Variants in TMCO4 observed in about 807,000 individuals in gnomAD.
TMCO4 encodes the protein transmembrane and coiled-coil domain-containing protein 4.
Under a neutral mutation model 64.7 loss-of-function variants are expected in TMCO4, and 58 were observed. That is an observed-to-expected ratio of 0.90 (90% CI 0.73 to 1.12). The LOEUF (loss-of-function observed/expected upper bound fraction) is 1.12, where lower values mean the gene tolerates loss of function less well. Ranked by LOEUF, TMCO4 falls within the 50% of genes most tolerant of loss-of-function variation. The pLI is 0.00. For missense variants in TMCO4, 780 were observed against 825.9 expected, an observed-to-expected ratio of 0.94 and a Z score of 0.68; for synonymous variants, 325 against 346.1, an observed-to-expected ratio of 0.94 and a Z score of 0.68.
At chr1:19,696,766 G>A (rs1557464490) in intron 14 of TMCO4, among the ~76,000 whole-genome samples, 1 of 152,080 alleles carries the variant, frequency 6.6e-6, no homozygotes, top group Non-Finnish European at 1.5e-5. Context: ...TATTTCTGTT[G>A]TAATTATGAC....
At chr1:19,785,878 A>G (rs935371165) in intron 3 of TMCO4, among the ~76,000 whole-genome samples, 2 of 152,188 alleles carry the variant, frequency 1.3e-5, no homozygotes, top group African/African-American at 4.8e-5. Flanking sequence ...GAAAGGTGTC[A>G]TTCCAGCAGA....
At chr1:19,731,543 T>C (rs942728803) in intron 13 of TMCO4, among the ~76,000 whole-genome samples, 118 of 152,322 alleles carry the variant, frequency 7.7e-4, no homozygotes, top group African/African-American at 2.8e-3. Flanking sequence ...CACACACTTG[T>C]AGCAACTAAG....
intron 6 of TMCO4, among the ~76,000 whole-genome samples, chr1:19,769,919 C>T (rs554320995): frequency 1.5e-5 from 2 of 137,828 alleles, no homozygotes; most frequent in South Asian, 2.3e-4. Context: ...CCCTGGGGTG[C>T]GTGCAAAGCC....
intron 6 of TMCO4, among the ~76,000 whole-genome samples, chr1:19,767,626 G>A (rs1238488835): frequency 1.3e-5 from 2 of 152,164 alleles, no homozygotes; most frequent in African/African-American, 4.8e-5. Flanking sequence ...GGGAAAGTTA[G>A]ATTCCGGGGC....
intron 7 of TMCO4, among the ~76,000 whole-genome samples, chr1:19,750,942 G>T (rs1004721877): frequency 2.6e-5 from 4 of 152,236 alleles, no homozygotes; most frequent in African/African-American, 9.6e-5. Flanking sequence ...CAGAGGGTGG[G>T]CACCAGAATC....
chr1:19,754,596 G>A (rs1407300253), intron 7 of TMCO4, among the ~76,000 whole-genome samples: 1 of 152,154 alleles, frequency 6.6e-6, no homozygotes, highest in Non-Finnish European at 1.5e-5. Context: ...CCCAGACCTG[G>A]GAGACGTGCC....
chr1:19,791,005 G>T (rs1324339942), intron 2 of TMCO4, among the ~76,000 whole-genome samples: 3 of 152,188 alleles, frequency 2.0e-5, no homozygotes, highest in Non-Finnish European at 2.9e-5. Context: ...CATATCCTTT[G>T]CAGGGATATG....
chr1:19,700,862 C>A lies in TMCO4; in HGVS notation c.1288G>T (p.Val430Phe). 1 of 1,614,180 alleles carries A rather than the reference C, an allele frequency of 6.2e-7. No homozygotes were observed. Among genetic ancestry groups the A allele is most frequent in the Non-Finnish European group, 8.5e-7 (1 of 1,180,006 alleles). The stretch of plus-strand genomic sequence containing the variant: ...TCCACAGGCGCACCCAGCAGGATGA[C>A]GTCCTCGATGATTCCTTGGCAATCT... ...EKDCQGIIED[V>F]ILLGAPVEGE... Residue 430 changes from valine (V) to phenylalanine (F), a missense_variant, in exon 14 of 16, where the codon GTC (valine) becomes TTC (phenylalanine). By Grantham distance (50) the Val-to-Phe change is conservative. Coordinates refer to ENST00000294543, the MANE Select transcript of TMCO4 (RefSeq NM_181719.7).
In TMCO4 at chr1:19,733,139, C is replaced by T. The variant is rs79011675; in HGVS notation, c.1264+4233G>A. On this transcript the variant is annotated intron_variant, in intron 13 of 15. Coordinates refer to ENST00000294543, the MANE Select transcript of TMCO4 (RefSeq NM_181719.7). ...AAAATTTGCTGGGCAATGTTGCGGG[C>T]ACGTGTAATCCCAGCTACTTGGGAG... Among the ~76,000 whole-genome samples the T allele has an allele frequency of 7.5e-3, 1,135 of 151,964 alleles. 15 individuals are homozygous for T. The highest frequency in any genetic ancestry group is 0.025 in the African/African-American group (1,047 of 41,434).
At chr1:19,763,115 A>C (rs1241696236) in intron 6 of TMCO4, among the ~76,000 whole-genome samples, 1 of 151,548 alleles carries the variant, frequency 6.6e-6, no homozygotes, top group Non-Finnish European at 1.5e-5. Flanking sequence ...TCACTCTGTC[A>C]CCCAGGCTGG....
intron 2 of TMCO4, among the ~76,000 whole-genome samples, chr1:19,797,432 G>C (rs1160367356): frequency 6.6e-6 from 1 of 152,140 alleles, no homozygotes; most frequent in East Asian, 1.9e-4. Context: ...CAGGTGCAAA[G>C]GTCCCAAGGA....
At chr1:19,757,614 A>G (rs1013104365) in intron 6 of TMCO4, among the ~76,000 whole-genome samples, 1 of 152,030 alleles carries the variant, frequency 6.6e-6, no homozygotes, top group Non-Finnish European at 1.5e-5. Flanking sequence ...TGGCTCAACC[A>G]TCACCTCCTC....
At chr1:19,711,819 G>A (rs2095332084) in intron 13 of TMCO4, among the ~76,000 whole-genome samples, 1 of 152,020 alleles carries the variant, frequency 6.6e-6, no homozygotes, top group African/African-American at 2.4e-5. Flanking sequence ...CACCATGCCT[G>A]GCTAATTTTG....
intron 13 of TMCO4, among the ~76,000 whole-genome samples, chr1:19,708,247 A>AC (rs1364063108): frequency 2.1e-5 from 3 of 144,902 alleles, no homozygotes; most frequent in Admixed American, 1.4e-4. Flanking sequence ...AAGGTCAAAG[A>AC]CCCCCAGAAT....
intron 14 of TMCO4, 102 bp from the exon 15 acceptor site, chr1:19,694,653 A>C: frequency 9.5e-7 from 1 of 1,054,270 alleles, no homozygotes; most frequent in South Asian, 1.5e-5. Flanking sequence ...GTGGGAATGG[A>C]GCTTCTGGGG....
At chr1:19,798,633 CA>C (rs1431189258) in intron 1 of TMCO4, among the ~76,000 whole-genome samples, 4 of 152,232 alleles carry the variant, frequency 2.6e-5, no homozygotes, top group Non-Finnish European at 5.9e-5. Flanking sequence ...TCTGATGCTG[CA>C]CACGAGGGCT....
Position 19,739,900 on chromosome 1 carries a change from T to C in TMCO4, c.1103A>G (p.Asn368Ser). ...TCGATGGAGACACACCCCCCAGGGGTTGTCGATGACATTGGCGACACTGAG... is the reference window on the plus strand; with the variant it reads ...TCGATGGAGACACACCCCCCAGGGGCTGTCGATGACATTGGCGACACTGAG... ...SLLSVANVID[N>S]PWGVCLHRSA... is the part of the protein sequence containing the mutation. The change falls in exon 12 of 16, where the codon AAC becomes AGC. Residue 368 changes from asparagine to serine, a missense_variant. By Grantham distance (46) the Asn-to-Ser change is conservative. Transcript: ENST00000294543. 1.9e-6 allele frequency: 3 copies of C among 1,613,642 alleles called. No individual in the cohort carries two copies. The highest frequency in any genetic ancestry group is 2.5e-6 in the Non-Finnish European group (3 of 1,179,884).
At chr1:19,721,788 C>CAAACAAAACAAAACA (rs745424127) in intron 13 of TMCO4, among the ~76,000 whole-genome samples, 17 of 151,728 alleles carry the variant, frequency 1.1e-4, no homozygotes, top group African/African-American at 3.9e-4. Context: ...GACCCTGTCT[C>CAAACAAAACAAAACA]AAACAAAACA....
rs201036489 is a variant in TMCO4 at position 19,737,403 on chromosome 1, G to T, written c.1233C>A (p.Tyr411Ter). 1.1e-5 allele frequency: 18 copies of T among 1,613,980 alleles called. No homozygotes were observed. The East Asian group carries it at 3.8e-4, about 34-fold the overall frequency. ...CTTGAGCCATCTCCTGCAGACAGAA[G>T]TAGATGACTCTGGCTCCCAGGCTGA... ...IGFSLGARVI[Y>*]FCLQEMAQEK... Residue 411 changes from tyrosine (Y) to a stop codon, truncating the protein, a stop_gained, in exon 13 of 16, where the codon TAC becomes TAA. Coordinates refer to ENST00000294543, the MANE Select transcript of TMCO4 (RefSeq NM_181719.7). LOFTEE classifies it high-confidence loss of function.
Sources: gnomAD v4.1 joint callset for allele counts (sites outside exome capture counted in the v4.1 genomes callset) on GRCh38, gnomAD v4.1.1 for gene constraint, MANE v1.5 for transcripts, NCBI Gene and HGNC (gene_info 2026-07-23, HGNC 2026-07-21) for gene names.